Variants in MMP3 observed in about 807,000 individuals in gnomAD.
The protein encoded by MMP3 is matrix metallopeptidase 3, also known as stromelysin-1.
Under a neutral mutation model 47.3 loss-of-function variants are expected in MMP3, and 46 were observed. That is an observed-to-expected ratio of 0.97 (90% confidence interval 0.77 to 1.24). The LOEUF (loss-of-function observed/expected upper bound fraction) is 1.24. Ranked by LOEUF, MMP3 falls within the 50% of genes most tolerant of loss-of-function variation. The probability of loss-of-function intolerance (pLI) is 0.00; values close to 1 mark genes in which losing one functional copy is unlikely to be tolerated. For synonymous variants in MMP3, 216 were observed against 206.5 expected (o/e 1.05, Z -0.39); for missense variants, 558 against 565.5 (o/e 0.99, Z 0.13).
rs1414397533 is a variant in MMP3 at position 102,836,142 on chromosome 11, C to A, written c.1418G>T (p.Ser473Ile). ...ATATCTCTTTCAACAATTAAGCCAG[C>A]TGTTACTCTTCAAAGTGTGTGTCAC... ...KKVTHTLKSN[S>I]WLNC is the part of the protein sequence containing the mutation. The change falls in exon 10 of 10, where the codon AGC (serine) becomes ATC (isoleucine). Residue 473 changes from serine (S) to isoleucine (I), a missense_variant. Transcript: ENST00000299855. This position sits in a 1 kb window ranked among gnomAD's most constrained non-coding sequence, Gnocchi z 4.6. 1.2e-6 allele frequency: 2 copies of A among 1,613,714 alleles called. No homozygotes were observed. Among genetic ancestry groups the A allele is most frequent in the African/African-American group, 1.3e-5 (1 of 75,024 alleles).
chr11:102,843,495 A>G lies in MMP3; in HGVS notation c.52T>C (p.Tyr18His). The change falls in exon 1 of 10, where the codon TAT (tyrosine) becomes CAT (histidine). Residue 18 changes from tyrosine to histidine, a missense_variant. Physicochemically the swap from Tyr to His is moderately conservative, Grantham distance 83 (BLOSUM62 2). Coordinates refer to ENST00000299855, the MANE Select transcript of MMP3 (RefSeq NM_002422.5). ...LLLCVAVCSA[Y>H]PLDGAARGED... ...CCCCTTGCAGCTCCATCCAATGGATAGGCTGAGCAAACTGCCACGCACAGC... is the reference window on the plus strand; with the variant it reads ...CCCCTTGCAGCTCCATCCAATGGATGGGCTGAGCAAACTGCCACGCACAGC... 6.2e-7 allele frequency: 1 copy of G among 1,613,766 alleles called. No individual in the cohort carries two copies. The highest frequency in any genetic ancestry group is 1.7e-5 in the Admixed American group (1 of 59,964).
At chr11:102,843,328 G>T (rs781967794) in intron 1 of MMP3, 114 bp downstream of exon 1, 69 of 738,218 alleles carry the variant, frequency 9.3e-5, no homozygotes, top group Non-Finnish European at 1.4e-4. Flanking sequence ...CTCTATTCTT[G>T]AACTGTTCCT....
At chr11:102,843,363 G>T in intron 1 of MMP3, 79 bp downstream of exon 1, 1 of 957,778 alleles carries the variant, frequency 1.0e-6, no homozygotes, top group African/African-American at 1.6e-5. Flanking sequence ...AGCATTCTAT[G>T]TGGGTTTTAA....
chr11:102,842,698 C>T lies in MMP3; in HGVS notation c.324G>A (p.Lys108=), dbSNP rs781785374. The change falls in exon 2 of 10, where the codon AAG becomes AAA. Residue 108 remains lysine, a synonymous_variant. Transcript: ENST00000299855. ...GHFRTFPGIP[K]WRKTHLTYRI... is the part of the protein sequence containing the mutation. ...TGTATGTAAGGTGGGTTTTCCTCCA[C>T]TTCGGGATGCCAGGAAAGGTTCTGA... The T allele has an allele frequency of 1.9e-6, 3 of 1,614,034 alleles. No individual in the cohort carries two copies. The highest frequency in any genetic ancestry group is 2.5e-6 in the Non-Finnish European group (3 of 1,179,984).
In MMP3 at chr11:102,839,214, A is replaced by C; in HGVS notation, c.965T>G (p.Leu322Arg). ...RHFWRKSLRK[L>R]EPELHLISSF... ...AGAGATCAAATGCAATTCAGGTTCA[A>C]GCTTCCTGAGGGATTTGCGCCAAAA... Residue 322 changes from leucine (L) to arginine (R), a missense_variant, in exon 7 of 10, where the codon CTT (leucine) becomes CGT (arginine). Transcript: ENST00000299855. 6.2e-7 allele frequency: 1 copy of C among 1,614,136 alleles called. No homozygotes were observed. Among genetic ancestry groups the C allele is most frequent in the South Asian group, 1.1e-5 (1 of 91,070 alleles).
Position 102,842,745 on chromosome 11 carries a change from C to T in MMP3, c.277G>A (p.Gly93Arg). Residue 93 changes from glycine to arginine, a missense_variant, in exon 2 of 10, where the codon GGA becomes AGA. By Grantham distance (125) the Gly-to-Arg change is moderately radical. Coordinates refer to ENST00000299855, the MANE Select transcript of MMP3 (RefSeq NM_002422.5). Reference protein sequence around the residue: ...TLEVMRKPRCGVPDVGHFRTF... With the variant: ...TLEVMRKPRCRVPDVGHFRTF... ...CTGAAGTGACCAACATCAGGAACTC[C>T]ACACCTGGGCTTGCGCATCACCTCC... 1 of 1,613,972 alleles carries T rather than the reference C, an allele frequency of 6.2e-7. No homozygotes were observed.
At chr11:102,841,721 A>AC (rs1388123083) in intron 4 of MMP3, among the ~76,000 whole-genome samples, 1 of 152,066 alleles carries the variant, frequency 6.6e-6, no homozygotes, top group Non-Finnish European at 1.5e-5. Context: ...AGAAAAAAAA[A>AC]AAAAAGAGAA....
In MMP3 at chr11:102,837,292, T is replaced by C. The variant is rs1555004730; in HGVS notation, c.1333+6A>G. 2 of 1,604,658 alleles carry C rather than the reference T, an allele frequency of 1.2e-6. No homozygotes were observed. Among genetic ancestry groups the C allele is most frequent in the East Asian group, 4.5e-5 (2 of 44,818 alleles). ...TCTATGGCCAACACAGTAAGTATCC[T>C]CTTACCAAATTCTTCAAAAACAGCA... On this transcript the variant is annotated splice_donor_region_variant and intron_variant, in intron 9 of 9. Transcript: ENST00000299855. This position sits in a 1 kb window ranked among gnomAD's most constrained non-coding sequence, Gnocchi z 4.4.
Position 102,836,524 on chromosome 11 carries a change from T to C in MMP3, c.1334-298A>G. 3.9e-6 allele frequency: 2 copies of C among 518,014 alleles called. No homozygotes were observed. The highest frequency in any genetic ancestry group is 7.7e-6 in the Non-Finnish European group (2 of 258,118). The allele number at this position is 518,014 out of a possible 1,614,324, so 32.1% of individuals were successfully genotyped here. A position where few individuals can be genotyped will look rare whatever the true frequency, so the allele number is the denominator to read the frequency against. On this transcript the variant is annotated intron_variant, in intron 9 of 9. Coordinates refer to ENST00000299855, the MANE Select transcript of MMP3 (RefSeq NM_002422.5). The surrounding 1 kb of genome is among the most constrained non-coding windows in gnomAD (Gnocchi z 4.6). ...AATGGAGACAGCACTCGGTGCCAGC[T>C]CTGTCTGAAAACACAGCCAGATTCC...
In MMP3 at chr11:102,838,101, A is replaced by G. The variant is rs183669758; in HGVS notation, c.1229+450T>C. 8.5e-5 allele frequency among the ~76,000 whole-genome samples: 13 copies of G among 152,310 alleles called. 1 individual carries two copies. The highest frequency in any genetic ancestry group is 2.9e-5 in the Non-Finnish European group (2 of 68,024). The stretch of plus-strand genomic sequence containing the variant: ...TAGTAGTGTTAGGAAGACAAAACAA[A>G]CACACAATGAGACAGTGACAAACAC... On this transcript the variant is annotated intron_variant, in intron 8 of 9. Coordinates refer to ENST00000299855, the MANE Select transcript of MMP3 (RefSeq NM_002422.5).
chr11:102,842,232 G>A lies in MMP3; in HGVS notation c.547C>T (p.His183Tyr). Residue 183 changes from histidine to tyrosine, a missense_variant, in exon 4 of 10, where the codon CAT (histidine) becomes TAT (tyrosine). By Grantham distance (83) the His-to-Tyr change is moderately conservative. Transcript: ENST00000299855. Reference protein sequence around the residue: ...PFDGPGNVLAHAYAPGPGING... With the variant: ...PFDGPGNVLAYAYAPGPGING... ...ATCCCTGGCCCAGGGGCATAGGCATGGGCCAAAACATTTCCAGGTCCATCA... is the reference window on the plus strand; with the variant it reads ...ATCCCTGGCCCAGGGGCATAGGCATAGGCCAAAACATTTCCAGGTCCATCA... 3 of 1,611,188 alleles carry A rather than the reference G, an allele frequency of 1.9e-6. No individual in the cohort carries two copies. The highest frequency in any genetic ancestry group is 2.2e-5 in the East Asian group (1 of 44,852).
chr11:102,838,563 T>C lies in MMP3; in HGVS notation c.1217A>G (p.Asp406Gly). The change falls in exon 8 of 10, where the codon GAC (aspartate) becomes GGC (glycine). Residue 406 changes from aspartate to glycine, a missense_variant. Coordinates refer to ENST00000299855, the MANE Select transcript of MMP3 (RefSeq NM_002422.5). ...EKNKTYFFVE[D>G]KYWRFDEKRN... is the part of the protein sequence containing the mutation. ...TCTTGCATCTCACCTCCAGTATTTG[T>C]CCTCTACAAAGAAATATGTTTTGTT... The C allele has an allele frequency of 6.2e-7, 1 of 1,613,338 alleles. No homozygotes were observed. The highest frequency in any genetic ancestry group is 8.5e-7 in the Non-Finnish European group (1 of 1,179,804).
chr11:102,843,307 A>G (rs782749702), intron 1 of MMP3, 135 bp downstream of exon 1: 1 of 662,184 alleles, frequency 1.5e-6, no homozygotes, highest in Non-Finnish European at 2.7e-6. Flanking sequence ...CACTTCCAAC[A>G]CTCTATAACT....
rs1555004961 is a variant in MMP3 at position 102,838,686 on chromosome 11, C to T, written c.1094G>A (p.Gly365Glu). 2.5e-6 allele frequency: 4 copies of T among 1,612,896 alleles called. No homozygotes were observed. The highest frequency in any genetic ancestry group is 3.4e-6 in the Non-Finnish European group (4 of 1,179,764). ...TGGGTATCCAGCTCGTACCTCATTT[C>T]CTCTGATAGCCCAGAATTGATTTCC... ...FKGNQFWAIRGNEVRAGYPRG... is the reference protein window; with the variant it reads ...FKGNQFWAIRENEVRAGYPRG... The change falls in exon 8 of 10, where the codon GGA becomes GAA. Residue 365 changes from glycine to glutamate, a missense_variant. Transcript: ENST00000299855.
At chr11:102,841,712 GA>G (rs34093618) in intron 4 of MMP3, among the ~76,000 whole-genome samples, 3,764 of 122,202 alleles carry the variant, frequency 0.031, 50 homozygotes, top group Non-Finnish European at 0.043. Flanking sequence ...GCCTCAGCCA[GA>G]AAAAAAAAAA....
Position 102,840,234 on chromosome 11 carries a change from G to C in MMP3, c.809C>G (p.Pro270Arg), listed in dbSNP as rs139187731. The C allele has an allele frequency of 9.3e-6, 15 of 1,613,630 alleles. No homozygotes were observed. In the African/African-American group the frequency reaches 2.0e-4, roughly 22 times the overall value. ...TTCCGTGGGTACCAGGGGGGTCTCA[G>C]GGGAGTCAGGGGGAGGTCCTAAAGG... is the stretch of plus-strand genomic sequence containing the variant. ...QSLYGPPPDSPETPLVPTEPV... is the reference protein window; with the variant it reads ...QSLYGPPPDSRETPLVPTEPV... The change falls in exon 6 of 10, where the codon CCT becomes CGT. Residue 270 changes from proline (P) to arginine (R), a missense_variant. Physicochemically the swap from Pro to Arg is moderately radical, Grantham distance 103. Coordinates refer to ENST00000299855, the MANE Select transcript of MMP3 (RefSeq NM_002422.5).
intron 6 of MMP3, 80 bp from the exon 7 acceptor site, chr11:102,839,323 C>T: frequency 6.7e-7 from 1 of 1,487,050 alleles, no homozygotes; most frequent in South Asian, 1.2e-5. Flanking sequence ...TCTTGCCTCA[C>T]CCAGCTTCCC....
chr11:102,842,405 T>TTTTTTTTTTTTG, intron 3 of MMP3, 26 bp downstream of exon 3: 1 of 180,192 alleles, frequency 5.5e-6, no homozygotes. Flanking sequence ...TTTGTTTTGC[T>TTTTTTTTTTTTG]TTTTTTTTTT....
intron 4 of MMP3, 30 bp downstream of exon 4, chr11:102,842,124 C>A (rs782140778): frequency 4.7e-6 from 7 of 1,499,484 alleles, no homozygotes; most frequent in South Asian, 1.5e-5. Context: ...AAATTAATGC[C>A]AAAATCATTC....
Sources: gnomAD v4.1 joint callset for allele counts (sites outside exome capture counted in the v4.1 genomes callset) on GRCh38, gnomAD v4.1.1 for gene constraint, Gnocchi (gnomAD v3.1) non-coding constraint, MANE v1.5 for transcripts, NCBI Gene and HGNC (gene_info 2026-07-23, HGNC 2026-07-21) for gene names.